Variants in NOS1 observed in about 807,000 individuals in gnomAD.
The protein encoded by NOS1 is nitric oxide synthase 1, also known as NOS type I.
A neutral mutation model predicts 164.5 loss-of-function variants in NOS1; 51 were observed. The observed-to-expected ratio is 0.31, with a 90% CI of 0.25 to 0.39. The LOEUF is 0.39. NOS1 is among the 10% of genes least tolerant of loss of function. The pLI, the probability that NOS1 is intolerant of heterozygous loss-of-function variation, is 1.00. For missense variants in NOS1, 1,362 were observed against 1,885.6 expected (o/e 0.72, Z 5.14); for synonymous variants, 719 against 745.8 (o/e 0.96, Z 0.59).
chr12:117,288,298 T>C (rs915117143), intron 4 of NOS1, 79 bp from the exon 5 acceptor site: 2 of 1,390,340 alleles, frequency 1.4e-6, no homozygotes, highest in African/African-American at 2.9e-5. Context: ...TTGGATCTCG[T>C]ACTCATGGTT....
At chr12:117,350,271 G>A (rs191452707) in intron 1 of NOS1, among the ~76,000 whole-genome samples, 27 of 152,298 alleles carry the variant, frequency 1.8e-4, no homozygotes, top group Non-Finnish European at 2.8e-4. Context: ...GGCACAGCAC[G>A]CCATTGCCAT....
At chr12:117,334,561 A>G (rs2136078419) in intron 1 of NOS1, among the ~76,000 whole-genome samples, 1 of 151,972 alleles carries the variant, frequency 6.6e-6, no homozygotes, top group East Asian at 1.9e-4. Context: ...ACACCTGGCT[A>G]ATTTTGTATT....
chr12:117,348,512 C>T (rs1876464433), intron 1 of NOS1: 1 of 152,274 alleles, frequency 6.6e-6, no homozygotes, highest in Non-Finnish European at 1.5e-5. Context: ...TTGCACCATA[C>T]CTGTGTCTCA....
intron 2 of NOS1, among the ~76,000 whole-genome samples, chr12:117,329,296 G>A (rs1168041270): frequency 6.6e-6 from 1 of 152,190 alleles, no homozygotes; most frequent in Non-Finnish European, 1.5e-5. Context: ...TTAAATGAGT[G>A]AATGCAGGGG....
At chr12:117,216,327 C>T (rs1272860042) in intron 28 of NOS1, among the ~76,000 whole-genome samples, 2 of 151,328 alleles carry the variant, frequency 1.3e-5, no homozygotes, top group African/African-American at 2.4e-5. Flanking sequence ...GGACTACAGG[C>T]ACCTGCCACG....
intron 18 of NOS1, among the ~76,000 whole-genome samples, chr12:117,246,464 T>C (rs956490818): frequency 3.9e-5 from 6 of 152,286 alleles, no homozygotes; most frequent in Middle Eastern, 3.4e-3. Flanking sequence ...TATAGATAGG[T>C]ATAAATGTAA....
chr12:117,310,035 T>A (rs1321371196), intron 3 of NOS1, among the ~76,000 whole-genome samples: 1 of 152,172 alleles, frequency 6.6e-6, no homozygotes, highest in African/African-American at 2.4e-5. Context: ...GTCTCCAGGG[T>A]GGCTGGGACA....
chr12:117,290,301 T>C lies in NOS1; in HGVS notation c.978A>G (p.Thr326=), dbSNP rs1455760632. Residue 326 remains threonine, a synonymous_variant, in exon 4 of 29, where the codon ACA becomes ACG. Transcript: ENST00000317775. The part of the protein sequence containing the change: ...VLTDTLHLKS[T]LETGCTEYIC... The stretch of plus-strand genomic sequence containing the variant: ...TACACCCTGCTGGGATACTTACCAA[T>C]GTGCTCTTAAGGTGGAGGGTGTCAG... 1 of 1,614,068 alleles carries C rather than the reference T, an allele frequency of 6.2e-7. No homozygotes were observed. The highest frequency in any genetic ancestry group is 1.3e-5 in the African/African-American group (1 of 75,048).
chr12:117,305,105 A>C (rs1874065470), intron 3 of NOS1: 4 of 980,622 alleles, frequency 4.1e-6, no homozygotes, highest in Non-Finnish European at 4.8e-6. Flanking sequence ...TGTGACATTA[A>C]CAATGCTAGG....
intron 1 of NOS1, among the ~76,000 whole-genome samples, chr12:117,338,284 C>T (rs1875935960): frequency 6.6e-6 from 1 of 151,710 alleles, no homozygotes; most frequent in Non-Finnish European, 1.5e-5. Flanking sequence ...GCCTGTAGTC[C>T]CAGCTATTCT....
At position 117,213,929 on chromosome 12, in the gene NOS1, A is replaced by G. The variant is rs1956565448; in HGVS notation, c.*1380T>C. The G allele has an allele frequency of 1.0e-6, 1 of 985,338 alleles. No individual in the cohort carries two copies. The allele number at this position is 985,338 out of a possible 1,614,324, so 61.0% of individuals were successfully genotyped here. Reference sequence around the variant, plus strand: ...CTTAGGGAGGAATTACACCGGCTCCAATTCCTACCGAAGACTTGGCTGCCC... The same window carrying G: ...CTTAGGGAGGAATTACACCGGCTCCGATTCCTACCGAAGACTTGGCTGCCC... On this transcript the variant is annotated 3_prime_UTR_variant, in exon 29 of 29. Coordinates refer to ENST00000317775, the MANE Select transcript of NOS1 (RefSeq NM_000620.5).
intron 3 of NOS1, among the ~76,000 whole-genome samples, chr12:117,304,305 TA>T (rs1874019930): frequency 6.6e-6 from 1 of 152,208 alleles, no homozygotes; most frequent in South Asian, 2.1e-4. Context: ...CCCTTGCCTA[TA>T]ATGCCTTTTT....
chr12:117,244,719 T>TA (rs2135956971), intron 18 of NOS1, among the ~76,000 whole-genome samples: 1 of 152,272 alleles, frequency 6.6e-6, no homozygotes, highest in Non-Finnish European at 1.5e-5. Context: ...TATTTGGCTA[T>TA]AAAAAAGGAT....
intron 1 of NOS1, among the ~76,000 whole-genome samples, chr12:117,339,630 T>A (rs1876002473): frequency 6.6e-6 from 1 of 152,168 alleles, no homozygotes; most frequent in African/African-American, 2.4e-5. Context: ...AAATCTTAAG[T>A]ACCCATCAAT....
Position 117,214,394 on chromosome 12 carries a change from C to T in NOS1, c.*915G>A. On this transcript the variant is annotated 3_prime_UTR_variant, in exon 29 of 29. Coordinates refer to ENST00000317775, the MANE Select transcript of NOS1 (RefSeq NM_000620.5). ...CAGGCTTCTTTGAACAACATAACTT[C>T]CAGGCCCCTTGGATGCTATTGCTGG... 1 of 985,380 alleles carries T rather than the reference C, an allele frequency of 1.0e-6. No individual in the cohort carries two copies. The highest frequency in any genetic ancestry group is 1.2e-6 in the Non-Finnish European group (1 of 829,940). The allele number at this position is 985,380 out of a possible 1,614,324, so 61.0% of individuals were successfully genotyped here.
chr12:117,248,847 C>T (rs901858610), intron 17 of NOS1, among the ~76,000 whole-genome samples: 4 of 151,804 alleles, frequency 2.6e-5, no homozygotes, highest in African/African-American at 9.7e-5. Flanking sequence ...TCCACATCCT[C>T]TCCAGCACTT....
Position 117,214,315 on chromosome 12 carries a change from A to T in NOS1, c.*994T>A. The T allele has an allele frequency of 1.0e-6, 1 of 985,456 alleles. No homozygotes were observed. The highest frequency in any genetic ancestry group is 1.2e-6 in the Non-Finnish European group (1 of 829,932). 61.0% of individuals were successfully genotyped at this position (985,456 alleles called of 1,614,324 possible). A position where few individuals can be genotyped will look rare whatever the true frequency, so the allele number is the denominator to read the frequency against. On this transcript the variant is annotated 3_prime_UTR_variant, in exon 29 of 29. Coordinates refer to ENST00000317775, the MANE Select transcript of NOS1 (RefSeq NM_000620.5). ...ATTATGACTAGGAAAAACTGAGGAC[A>T]AGTGACCCATCCAAAGTCATCCAGT...
intron 2 of NOS1, among the ~76,000 whole-genome samples, chr12:117,313,445 C>T (rs1431412184): frequency 3.9e-5 from 6 of 152,070 alleles, no homozygotes; most frequent in Admixed American, 1.3e-4. Context: ...CAGGCGTGCA[C>T]CACCCTGCCT....
At position 117,234,428 on chromosome 12, in the gene NOS1, T is replaced by C. The variant is rs3741477; in HGVS notation, c.3235+137A>G. ...CAGTCATGAGAAAGGGGGATATCTT[T>C]AGTCTCATAGGCTGTTAGCAACAGA... On this transcript the variant is annotated intron_variant, in intron 21 of 28. Transcript: ENST00000317775. The surrounding 1 kb of genome is among the most constrained non-coding windows in gnomAD (Gnocchi z 4.3). 1.4e-3 allele frequency: 1,164 copies of C among 840,184 alleles called. 18 individuals carry two copies. In the East Asian group the frequency reaches 0.03, roughly 22 times the overall value. 52.0% of individuals were successfully genotyped at this position (840,184 alleles called of 1,614,324 possible). A position where few individuals can be genotyped will look rare whatever the true frequency, so the allele number is the denominator to read the frequency against.
Sources: gnomAD v4.1 joint callset for allele counts (sites outside exome capture counted in the v4.1 genomes callset) on GRCh38, gnomAD v4.1.1 for gene constraint, Gnocchi (gnomAD v3.1) non-coding constraint, MANE v1.5 for transcripts, NCBI Gene and HGNC (gene_info 2026-07-23, HGNC 2026-07-21) for gene names.